DIP2C: variants seen among roughly 807,000 people sequenced by gnomAD.
DIP2C encodes DIP2 acetate--CoA ligase C (putative).
In DIP2C, 33 loss-of-function variants were observed where a neutral mutation model predicts 192.4. The observed-to-expected ratio is 0.17, with a 90% CI of 0.13 to 0.23. DIP2C has a LOEUF of 0.23. Ranked by LOEUF, DIP2C falls within the 10% of genes least tolerant of loss-of-function variation. The pLI is 1.00. For synonymous variants in DIP2C, 979 were observed against 864.1 expected (o/e 1.13, Z -2.33); for missense variants, 1,537 against 2,110.1 (o/e 0.73, Z 5.32).
At chr10:413,305 A>G (rs965818616) in intron 8 of DIP2C, among the ~76,000 whole-genome samples, 1 of 152,254 alleles carries the variant, frequency 6.6e-6, no homozygotes, top group Non-Finnish European at 1.5e-5. Flanking sequence ...CTTAAGGGAA[A>G]GGCGGTTTCT....
At chr10:657,759 G>T (rs1241568527) in intron 1 of DIP2C, among the ~76,000 whole-genome samples, 7 of 147,624 alleles carry the variant, frequency 4.7e-5, no homozygotes, top group Non-Finnish European at 1.0e-4. Context: ...ACCTGCCACT[G>T]GACCTGACGC....
chr10:531,994 A>C (rs528739110), intron 1 of DIP2C, among the ~76,000 whole-genome samples: 1 of 152,358 alleles, frequency 6.6e-6, no homozygotes, highest in Admixed American at 6.5e-5. Context: ...ACCGGCTCCA[A>C]AATACTTCGC....
chr10:626,223 A>C (rs1456443219), intron 1 of DIP2C, among the ~76,000 whole-genome samples: 4 of 152,194 alleles, frequency 2.6e-5, no homozygotes, highest in Non-Finnish European at 5.9e-5. Context: ...CTCACTGTCC[A>C]GATGGGAAAC....
chr10:570,579 T>C (rs959486674), intron 1 of DIP2C, among the ~76,000 whole-genome samples: 1 of 152,174 alleles, frequency 6.6e-6, no homozygotes, highest in Non-Finnish European at 1.5e-5. Flanking sequence ...CCAACACTAC[T>C]TCAGCCAAAA....
chr10:307,525 C>T (rs570859557), intron 32 of DIP2C, among the ~76,000 whole-genome samples: 8 of 152,078 alleles, frequency 5.3e-5, no homozygotes, highest in South Asian at 2.1e-4. Context: ...CTGGGGGCTG[C>T]GGACTGTGAG....
At chr10:538,990 T>A (rs1453031795) in intron 1 of DIP2C, among the ~76,000 whole-genome samples, 1 of 149,544 alleles carries the variant, frequency 6.7e-6, no homozygotes, top group Non-Finnish European at 1.5e-5. Context: ...CTGTATGACC[T>A]CAGTTGCGAG....
At chr10:566,719 T>C (rs1197199522) in intron 1 of DIP2C, among the ~76,000 whole-genome samples, 1 of 152,226 alleles carries the variant, frequency 6.6e-6, no homozygotes, top group Non-Finnish European at 1.5e-5. Flanking sequence ...ACGGTGCCTC[T>C]GAGGGTCCCA....
At chr10:576,556 T>C (rs1850173386) in intron 1 of DIP2C, among the ~76,000 whole-genome samples, 1 of 152,234 alleles carries the variant, frequency 6.6e-6, no homozygotes, top group South Asian at 2.1e-4. Context: ...TCAATTGTGC[T>C]TTCTACTCCA....
intron 1 of DIP2C, among the ~76,000 whole-genome samples, chr10:498,575 T>C (rs373299762): frequency 4.3e-4 from 65 of 152,306 alleles, no homozygotes; most frequent in East Asian, 1.4e-3. Flanking sequence ...TCGTCAGAGA[T>C]GCACCTCTGT....
intron 1 of DIP2C, among the ~76,000 whole-genome samples, chr10:511,632 C>A (rs1846018908): frequency 1.1e-4 from 1 of 9,056 alleles, no homozygotes; most frequent in Non-Finnish European, 7.1e-3. Context: ...CGACACTGAC[C>A]CAGCCTCCCC....
chr10:492,754 A>T (rs1844535338), intron 1 of DIP2C, among the ~76,000 whole-genome samples: 1 of 152,138 alleles, frequency 6.6e-6, no homozygotes, highest in Non-Finnish European at 1.5e-5. Context: ...TTAAATTTGT[A>T]TTGTCCCCTG....
At chr10:381,370 A>G (rs1280862263) in intron 17 of DIP2C, among the ~76,000 whole-genome samples, 1 of 152,224 alleles carries the variant, frequency 6.6e-6, no homozygotes, top group Non-Finnish European at 1.5e-5. Context: ...GGACACTGTC[A>G]TTTCTAATTC....
chr10:348,634 A>G lies in DIP2C; in HGVS notation c.3231+7T>C, dbSNP rs1253239779. 1 of 1,612,318 alleles carries G rather than the reference A, an allele frequency of 6.2e-7. No homozygotes were observed. The highest frequency in any genetic ancestry group is 8.5e-7 in the Non-Finnish European group (1 of 1,179,482). On this transcript the variant is annotated splice_region_variant and intron_variant, in intron 26 of 36. Transcript: ENST00000280886. Reference sequence around the variant, plus strand: ...GGTGGAGGCCCCGACATTCCCAGGCATGTTACCTCCACAATCATCTTGACG... The same window carrying G: ...GGTGGAGGCCCCGACATTCCCAGGCGTGTTACCTCCACAATCATCTTGACG...
intron 1 of DIP2C, among the ~76,000 whole-genome samples, chr10:600,440 G>A (rs796414295): frequency 1.5e-4 from 19 of 124,956 alleles, no homozygotes; most frequent in African/African-American, 6.6e-4. Context: ...CCCAGGGTGT[G>A]CAGATGCTCC....
intron 1 of DIP2C, among the ~76,000 whole-genome samples, chr10:674,283 G>A (rs1206744168): frequency 6.6e-6 from 1 of 152,088 alleles, no homozygotes; most frequent in Non-Finnish European, 1.5e-5. Context: ...CACATTAATG[G>A]AAATCAAAAG....
chr10:674,875 T>C (rs922251686), intron 1 of DIP2C, among the ~76,000 whole-genome samples: 3 of 147,156 alleles, frequency 2.0e-5, no homozygotes, highest in African/African-American at 7.6e-5. Context: ...CTTTCAGCAC[T>C]GGAGATCATC....
At chr10:316,479 C>T (rs888851309) in intron 31 of DIP2C, among the ~76,000 whole-genome samples, 4 of 152,176 alleles carry the variant, frequency 2.6e-5, no homozygotes, top group African/African-American at 9.7e-5. Context: ...ATTCCACTGC[C>T]ACACTCCCAG....
chr10:626,108 T>C lies in DIP2C; in HGVS notation c.85+63386A>G, dbSNP rs114188134. ...CACAAAGCAAGATCCACTTCGTCCA[T>C]GGACCACGACAAAAGAAACGCTAAC... is the stretch of plus-strand genomic sequence containing the variant. On this transcript the variant is annotated intron_variant, in intron 1 of 36. Transcript: ENST00000280886. Among the ~76,000 whole-genome samples, 1,036 of 152,316 alleles carry C rather than the reference T, an allele frequency of 6.8e-3. 8 individuals are homozygous for C. The highest frequency in any genetic ancestry group is 0.017 in the African/African-American group (701 of 41,570).
chr10:455,327 A>ATGAAAACACTCTG (rs1564733639), intron 3 of DIP2C, among the ~76,000 whole-genome samples: 3 of 128,216 alleles, frequency 2.3e-5, no homozygotes, highest in Admixed American at 7.7e-5. Flanking sequence ...CTGAGGGGAG[A>ATGAAAACACTCTG]CCGTGAGGAA....
Sources: gnomAD v4.1 joint callset for allele counts (sites outside exome capture counted in the v4.1 genomes callset) on GRCh38, gnomAD v4.1.1 for gene constraint, MANE v1.5 for transcripts, NCBI Gene and HGNC (gene_info 2026-07-23, HGNC 2026-07-21) for gene names.